Variants in ATXN7L1 observed in about 807,000 individuals in gnomAD.
ATXN7L1 encodes the protein ataxin 7 like 1, also known as ataxin-7-like protein 1.
A neutral mutation model predicts 70.8 loss-of-function variants in ATXN7L1; 15 were observed. That is an observed-to-expected ratio of 0.21 (90% CI 0.14 to 0.33). The LOEUF (loss-of-function observed/expected upper bound fraction) is 0.33, where lower values mean the gene tolerates loss of function less well. Ranked by LOEUF, ATXN7L1 falls within the 10% of genes least tolerant of loss-of-function variation. The pLI is 1.00. For synonymous variants in ATXN7L1, 440 were observed against 445.1 expected, an observed-to-expected ratio of 0.99 and a Z score of 0.14; for missense variants, 975 against 1,097.1, an observed-to-expected ratio of 0.89 and a Z score of 1.57.
chr7:105,837,138 A>G (rs1812507980), intron 2 of ATXN7L1, among the ~76,000 whole-genome samples: 1 of 152,146 alleles, frequency 6.6e-6, no homozygotes, highest in Non-Finnish European at 1.5e-5. Flanking sequence ...TCAGAGCGTG[A>G]GTTCACTTAT....
chr7:105,777,329 A>G (rs1359653224), intron 3 of ATXN7L1, among the ~76,000 whole-genome samples: 7 of 152,178 alleles, frequency 4.6e-5, no homozygotes. Context: ...TTGGAAAAAA[A>G]TCTCAAGACA....
chr7:105,722,831 G>A (rs1442035450), intron 3 of ATXN7L1, among the ~76,000 whole-genome samples: 1 of 152,106 alleles, frequency 6.6e-6, no homozygotes, highest in African/African-American at 2.4e-5. Context: ...GTTGCAGTGA[G>A]CTGAGATTGC....
At chr7:105,868,975 T>C (rs898759784) in intron 2 of ATXN7L1, among the ~76,000 whole-genome samples, 2 of 152,176 alleles carry the variant, frequency 1.3e-5, no homozygotes, top group South Asian at 4.2e-4. Flanking sequence ...AGGAAATAAT[T>C]GTATGTATAA....
chr7:105,837,805 G>A (rs1169160992), intron 2 of ATXN7L1, among the ~76,000 whole-genome samples: 1 of 152,146 alleles, frequency 6.6e-6, no homozygotes, highest in Non-Finnish European at 1.5e-5. Flanking sequence ...CACATGGCGA[G>A]CCCGATGCCA....
intron 5 of ATXN7L1, among the ~76,000 whole-genome samples, chr7:105,641,214 C>CTTTT (rs561100060): frequency 9.2e-4 from 20 of 21,796 alleles, no homozygotes; most frequent in African/African-American, 3.0e-3. Context: ...CTCTCTCTCT[C>CTTTT]TTTTTTTTTT....
intron 3 of ATXN7L1, among the ~76,000 whole-genome samples, chr7:105,771,201 G>GATAATAATAATAATAATAATA (rs67884616): frequency 6.5e-5 from 9 of 139,248 alleles, no homozygotes; most frequent in Non-Finnish European, 1.2e-4. Context: ...CTCCGTCTCT[G>GATAATAATAATAATAATAATA]ATAATAATAA....
intron 3 of ATXN7L1, among the ~76,000 whole-genome samples, chr7:105,748,099 C>T (rs1047430011): frequency 1.5e-5 from 2 of 129,126 alleles, no homozygotes; most frequent in Admixed American, 8.6e-5. Flanking sequence ...GCCTGGGTAA[C>T]GAGCAAAACT....
At chr7:105,733,950 A>G (rs900772307) in intron 3 of ATXN7L1, among the ~76,000 whole-genome samples, 5 of 150,168 alleles carry the variant, frequency 3.3e-5, no homozygotes, top group Admixed American at 6.7e-5. Flanking sequence ...CCATCCATCC[A>G]TCCATCCATC....
chr7:105,874,514 G>A (rs1382164192), intron 2 of ATXN7L1, among the ~76,000 whole-genome samples: 6 of 152,130 alleles, frequency 3.9e-5, no homozygotes, highest in South Asian at 2.1e-4. Flanking sequence ...TCAATCCCTC[G>A]TGCATCCTGA....
chr7:105,708,804 C>A (rs1018013377), intron 3 of ATXN7L1, among the ~76,000 whole-genome samples: 1 of 152,184 alleles, frequency 6.6e-6, no homozygotes. Flanking sequence ...TTTTGCTTTC[C>A]ATTTAAGATT....
intron 2 of ATXN7L1, among the ~76,000 whole-genome samples, chr7:105,844,286 A>G (rs186545248): frequency 6.6e-6 from 1 of 152,320 alleles, no homozygotes; most frequent in East Asian, 1.9e-4. Flanking sequence ...CAAAGACATC[A>G]TAAGAAAACT....
chr7:105,815,070 A>C (rs1808990989), intron 2 of ATXN7L1, among the ~76,000 whole-genome samples: 1 of 152,198 alleles, frequency 6.6e-6, no homozygotes, highest in African/African-American at 2.4e-5. Flanking sequence ...CTCTATCCCC[A>C]TGTCAGTTTT....
chr7:105,664,095 A>G (rs1802135930), intron 4 of ATXN7L1, among the ~76,000 whole-genome samples: 1 of 151,668 alleles, frequency 6.6e-6, no homozygotes, highest in Non-Finnish European at 1.5e-5. Flanking sequence ...TTCACAGCCC[A>G]CTCCCCCAAA....
chr7:105,714,707 C>T (rs999297699), intron 3 of ATXN7L1, among the ~76,000 whole-genome samples: 8 of 152,110 alleles, frequency 5.3e-5, no homozygotes, highest in East Asian at 1.9e-4. Context: ...CTGTCGCCCA[C>T]GCTGGAGTGC....
chr7:105,816,575 C>G (rs1809229151), intron 2 of ATXN7L1, among the ~76,000 whole-genome samples: 1 of 152,218 alleles, frequency 6.6e-6, no homozygotes, highest in South Asian at 2.1e-4. Context: ...TGCTCCTTTC[C>G]CCACAGCCCT....
chr7:105,696,509 T>C (rs764520858), intron 3 of ATXN7L1, among the ~76,000 whole-genome samples: 8 of 152,148 alleles, frequency 5.3e-5, no homozygotes, highest in Non-Finnish European at 1.2e-4. Flanking sequence ...GAAGGACCCA[T>C]GATTTGACAA....
intron 3 of ATXN7L1, among the ~76,000 whole-genome samples, chr7:105,712,000 C>T (rs746516987): frequency 6.6e-6 from 1 of 152,260 alleles, no homozygotes; most frequent in Non-Finnish European, 1.5e-5. Flanking sequence ...CAACTCTTGC[C>T]TTCTGTGCAA....
At chr7:105,643,296 G>A (rs752992591) in intron 4 of ATXN7L1, among the ~76,000 whole-genome samples, 175 bp from the exon 5 acceptor site, 2 of 152,074 alleles carry the variant, frequency 1.3e-5, no homozygotes, top group African/African-American at 2.4e-5. Context: ...GCCCTGGAAA[G>A]GATCAACAGG....
chr7:105,806,845 G>C (rs1807693680), intron 2 of ATXN7L1, among the ~76,000 whole-genome samples: 1 of 152,184 alleles, frequency 6.6e-6, no homozygotes, highest in African/African-American at 2.4e-5. Flanking sequence ...CTCTGACAAG[G>C]AGTGAAAGCT....
Sources: gnomAD v4.1 joint callset for allele counts (sites outside exome capture counted in the v4.1 genomes callset) on GRCh38, gnomAD v4.1.1 for gene constraint, MANE v1.5 for transcripts, NCBI Gene and HGNC (gene_info 2026-07-23, HGNC 2026-07-21) for gene names.